CRACDL: variants seen among roughly 807,000 people sequenced by gnomAD.
CRACDL encodes CRACD like, also known as CRACD-like protein.
Under a neutral mutation model 70.6 loss-of-function variants are expected in CRACDL, and 26 were observed. The observed-to-expected ratio is 0.37, with a 90% confidence interval of 0.27 to 0.51. The LOEUF (loss-of-function observed/expected upper bound fraction) is 0.51. Ranked by LOEUF, CRACDL falls within the 20% of genes least tolerant of loss-of-function variation. The pLI is 0.94. For synonymous variants in CRACDL, 618 were observed against 615.2 expected, an observed-to-expected ratio of 1.00 and a Z score of -0.07; for missense variants, 1,283 against 1,376.9, an observed-to-expected ratio of 0.93 and a Z score of 1.08.
chr2:98,801,583 C>T (rs551362516), intron 7 of CRACDL, among the ~76,000 whole-genome samples: 21 of 152,304 alleles, frequency 1.4e-4, no homozygotes, highest in Middle Eastern at 3.4e-3. Context: ...ACATAATCCA[C>T]GACCTATGCC....
At position 98,881,054 on chromosome 2, in the gene CRACDL, C is replaced by T. The variant is rs570255210; in HGVS notation, c.-10-34244G>A. Among the ~76,000 whole-genome samples the T allele has an allele frequency of 2.1e-3, 321 of 152,284 alleles. 2 individuals carry two copies. Among genetic ancestry groups the T allele is most frequent in the African/African-American group, 7.4e-3 (307 of 41,560 alleles). On this transcript the variant is annotated intron_variant, in intron 1 of 9. Coordinates refer to ENST00000397899, the MANE Select transcript of CRACDL (RefSeq NM_207362.3). The stretch of plus-strand genomic sequence containing the variant: ...GCAGGGCTCCTAGTGGCTTCAGAGC[C>T]GACACGTCAGATGGGCCGCACTCGG...
intron 1 of CRACDL, among the ~76,000 whole-genome samples, chr2:98,897,711 G>A (rs1447211113): frequency 4.6e-5 from 7 of 152,182 alleles, no homozygotes; most frequent in Non-Finnish European, 1.0e-4. Flanking sequence ...ATATAATCAT[G>A]GGTTCAGCTG....
intron 1 of CRACDL, among the ~76,000 whole-genome samples, chr2:98,853,441 C>T (rs978215814): frequency 3.3e-5 from 5 of 152,032 alleles, no homozygotes; most frequent in Non-Finnish European, 5.9e-5. Flanking sequence ...GTGAAAAGTA[C>T]TTTCACTTAT....
intron 1 of CRACDL, among the ~76,000 whole-genome samples, chr2:98,916,295 A>C (rs1486994677): frequency 6.6e-6 from 1 of 152,196 alleles, no homozygotes; most frequent in Non-Finnish European, 1.5e-5. Flanking sequence ...GTGTGAACTG[A>C]GTAATAGGGA....
chr2:98,891,885 T>C (rs962798610), intron 1 of CRACDL, among the ~76,000 whole-genome samples: 2 of 152,206 alleles, frequency 1.3e-5, no homozygotes, highest in Admixed American at 6.5e-5. Flanking sequence ...AAAGAGGTCC[T>C]ATAAAGCAGT....
In CRACDL at chr2:98,833,012, C is replaced by A. The variant is rs370416421; in HGVS notation, c.240-15G>T. On this transcript the variant is annotated splice_polypyrimidine_tract_variant and intron_variant, in intron 3 of 9. Transcript: ENST00000397899. ...CCCTCGACTCCCTAGGATAAAAGAG[C>A]CACTGTGAGACTCTGCCCACCTCCA... 1.9e-6 allele frequency: 3 copies of A among 1,603,112 alleles called. No individual in the cohort carries two copies. The African/African-American group carries it at 4.0e-5, about 22-fold the overall frequency.
rs938168823 is a variant in CRACDL at position 98,876,576 on chromosome 2, G to A, written c.-10-29766C>T. On this transcript the variant is annotated intron_variant, in intron 1 of 9. Coordinates refer to ENST00000397899, the MANE Select transcript of CRACDL (RefSeq NM_207362.3). ...GAATCTGGCTAATCCCTGATGGTGT[G>A]AGGTGGAACAACTTTATTCCAAAGC... Among the ~76,000 whole-genome samples the A allele has an allele frequency of 2.6e-5, 4 of 152,208 alleles. No individual in the cohort carries two copies. The East Asian group carries it at 7.7e-4, about 29-fold the overall frequency.
At position 98,866,475 on chromosome 2, in the gene CRACDL, C is replaced by CTTTTTTTTTT. The variant is rs1173322192; in HGVS notation, c.-10-19675_-10-19666dup. Among the ~76,000 whole-genome samples, 115 of 43,240 alleles carry CTTTTTTTTTT rather than the reference C, an allele frequency of 2.7e-3. 5 individuals carry two copies. The highest frequency in any genetic ancestry group is 7.3e-3 in the African/African-American group (73 of 9,986). 28.4% of individuals were successfully genotyped at this position (43,240 alleles called of 152,430 possible). A position where few individuals can be genotyped will look rare whatever the true frequency, so the allele number is the denominator to read the frequency against. ...CTGATAGATGAAACAATCACTTCTTCTTTTTTTTTTTTTTTTTTTTTTTTT... is the reference window on the plus strand; with the variant it reads ...CTGATAGATGAAACAATCACTTCTTCTTTTTTTTTTTTTTTTTTTTTTTTTTTTTTTTTTT... On this transcript the variant is annotated intron_variant, in intron 1 of 9. Coordinates refer to ENST00000397899, the MANE Select transcript of CRACDL (RefSeq NM_207362.3).
chr2:98,879,020 C>T (rs1707564678), intron 1 of CRACDL, among the ~76,000 whole-genome samples: 1 of 152,194 alleles, frequency 6.6e-6, no homozygotes, highest in African/African-American at 2.4e-5. Context: ...CAGCCATTAC[C>T]ACCACCCTGG....
At chr2:98,919,639 C>T (rs1708752884) in intron 1 of CRACDL, among the ~76,000 whole-genome samples, 1 of 152,088 alleles carries the variant, frequency 6.6e-6, no homozygotes, top group Admixed American at 6.6e-5. Context: ...TGATGGTTTC[C>T]CAAGTGGTTA....
intron 1 of CRACDL, among the ~76,000 whole-genome samples, chr2:98,874,133 G>A (rs79957807): frequency 0.047 from 7,235 of 152,334 alleles, 318 homozygotes; most frequent in South Asian, 0.17. Flanking sequence ...TAGATCTATT[G>A]TTAACAATGA....
At chr2:98,839,143 G>T (rs1418968367) in intron 2 of CRACDL, among the ~76,000 whole-genome samples, 1 of 152,136 alleles carries the variant, frequency 6.6e-6, no homozygotes, top group Non-Finnish European at 1.5e-5. Context: ...TTAATAAACT[G>T]AATTCCTTAA....
rs943991906 is a variant in CRACDL, at chr2:98,928,517, G to A, written c.-11+7421C>T. Among the ~76,000 whole-genome samples, 29 of 152,198 alleles carry A rather than the reference G, an allele frequency of 1.9e-4. 2 individuals are homozygous for A. Among genetic ancestry groups the A allele is most frequent in the Admixed American group, 1.7e-3 (26 of 15,290 alleles). On this transcript the variant is annotated intron_variant, in intron 1 of 9. Coordinates refer to ENST00000397899, the MANE Select transcript of CRACDL (RefSeq NM_207362.3). ...ACCAGACTTCTTCGTGCTAATTGCT[G>A]GGCCCTCCCTGCTGGCTGGCCTGGC...
intron 5 of CRACDL, 37 bp downstream of exon 5, chr2:98,832,311 G>A: frequency 1.2e-6 from 2 of 1,611,054 alleles, no homozygotes; most frequent in Non-Finnish European, 1.7e-6. Context: ...CAGGGCAGGT[G>A]TGGATGAAGA....
At position 98,794,278 on chromosome 2, in the gene CRACDL, G is replaced by A. The variant is rs560033057; in HGVS notation, c.*254C>T. The stretch of plus-strand genomic sequence containing the variant: ...CAAGGGAATTCGAAAAGACACATTC[G>A]TACCTTTGGGCACAGGAACTGGTTC... On this transcript the variant is annotated 3_prime_UTR_variant, in exon 10 of 10. Coordinates refer to ENST00000397899, the MANE Select transcript of CRACDL (RefSeq NM_207362.3). 18 of 365,298 alleles carry A rather than the reference G, an allele frequency of 4.9e-5. No homozygotes were observed. Among genetic ancestry groups the A allele is most frequent in the South Asian group, 7.4e-5 (1 of 13,536 alleles). 22.6% of individuals were successfully genotyped at this position (365,298 alleles called of 1,614,324 possible).
Position 98,935,931 on chromosome 2 carries a change from G to A in CRACDL, c.-11+7C>T, listed in dbSNP as rs1358136810. The A allele has an allele frequency of 6.6e-6, 1 of 152,132 alleles. No homozygotes were observed. The highest frequency in any genetic ancestry group is 1.9e-4 in the East Asian group (1 of 5,186). The allele number at this position is 152,132 out of a possible 1,614,324, so 9.4% of individuals were successfully genotyped here. On this transcript the variant is annotated splice_region_variant and intron_variant, in intron 1 of 9. Transcript: ENST00000397899. Reference sequence around the variant, plus strand: ...TGGGACACGCGATTTCAAACCCCTCGAGGTACCTGGGACAGGAGCGTGGCC... The same window carrying A: ...TGGGACACGCGATTTCAAACCCCTCAAGGTACCTGGGACAGGAGCGTGGCC...
intron 1 of CRACDL, among the ~76,000 whole-genome samples, chr2:98,870,774 C>A (rs982120595): frequency 1.3e-5 from 2 of 152,214 alleles, no homozygotes; most frequent in Non-Finnish European, 2.9e-5. Flanking sequence ...TGCTTGCTTT[C>A]GCCTGCTCTG....
chr2:98,828,206 G>A (rs545941034), intron 5 of CRACDL, among the ~76,000 whole-genome samples: 1 of 152,320 alleles, frequency 6.6e-6, no homozygotes, highest in Non-Finnish European at 1.5e-5. Flanking sequence ...GCAGACACAA[G>A]TTGGGATGAA....
At chr2:98,799,197 G>C (rs1325997381) in intron 7 of CRACDL, among the ~76,000 whole-genome samples, 1 of 152,176 alleles carries the variant, frequency 6.6e-6, no homozygotes. Context: ...ATGTCCAGGA[G>C]GAGTGAATGT....
Sources: allele counts gnomAD v4.1 joint callset (sites outside exome capture counted in the v4.1 genomes callset), GRCh38; gene constraint gnomAD v4.1.1; transcripts MANE v1.5; gene names NCBI Gene and HGNC (gene_info 2026-07-23, HGNC 2026-07-21).